UMAD1: variants seen among roughly 807,000 people sequenced by gnomAD.
The protein encoded by UMAD1 is UBAP1-MVB12-associated (UMA)-domain containing protein 1.
A neutral mutation model predicts 6.1 loss-of-function variants in UMAD1; 8 were observed. The observed-to-expected ratio is 1.30, with a 90% CI of 0.76 to 2.35. The LOEUF (loss-of-function observed/expected upper bound fraction) is 2.35. UMAD1 is among the 30% of genes most tolerant of loss of function. The pLI is 0.00. For synonymous variants in UMAD1, 56 were observed against 31.4 expected (o/e 1.78, Z -2.61); for missense variants, 130 against 78.4 (o/e 1.66, Z -2.49).
chr7:7,642,117 G>A (rs1013779275), intron 1 of UMAD1, among the ~76,000 whole-genome samples: 20 of 152,058 alleles, frequency 1.3e-4, no homozygotes, highest in Non-Finnish European at 2.4e-4. Flanking sequence ...ATAGGGGAGA[G>A]TACACACATC....
chr7:7,754,522 GGTAGCTT>G (rs1215307945), intron 2 of UMAD1, among the ~76,000 whole-genome samples: 8 of 152,096 alleles, frequency 5.3e-5, no homozygotes, highest in Admixed American at 2.6e-4. Context: ...GCATCAAATG[GGTAGCTT>G]TCCTTATGTA....
chr7:7,793,016 T>G (rs77585176), intron 2 of UMAD1, among the ~76,000 whole-genome samples: 9,277 of 152,156 alleles, frequency 0.061, 398 homozygotes, highest in Non-Finnish European at 0.088. Context: ...GGTTTCAATA[T>G]ACGAATTTTG....
intron 2 of UMAD1, among the ~76,000 whole-genome samples, chr7:7,758,775 C>G (rs997572630): frequency 2.6e-5 from 4 of 152,100 alleles, no homozygotes; most frequent in East Asian, 1.9e-4. Flanking sequence ...AATTTTGACT[C>G]CTGCGTAATG....
At chr7:7,675,019 T>A (rs976084294) in intron 2 of UMAD1, among the ~76,000 whole-genome samples, 6 of 152,030 alleles carry the variant, frequency 3.9e-5, no homozygotes, top group South Asian at 2.1e-4. Flanking sequence ...GTATTTAAAA[T>A]TTTTTTTAAA....
At chr7:7,836,853 T>C (rs888097611) in intron 3 of UMAD1, among the ~76,000 whole-genome samples, 1 of 151,308 alleles carries the variant, frequency 6.6e-6, no homozygotes, top group Non-Finnish European at 1.5e-5. Context: ...AAGGATATAA[T>C]GAAGAGGTGT....
intron 2 of UMAD1, among the ~76,000 whole-genome samples, chr7:7,699,374 A>G (rs1338313842): frequency 1.3e-5 from 2 of 152,178 alleles, no homozygotes; most frequent in Non-Finnish European, 2.9e-5. Context: ...TTAAAAATTT[A>G]ATATCCTTAG....
chr7:7,664,328 G>A (rs1345434758), intron 1 of UMAD1, among the ~76,000 whole-genome samples: 1 of 151,688 alleles, frequency 6.6e-6, no homozygotes, highest in African/African-American at 2.4e-5. Context: ...TTAACTTCTT[G>A]GCTCCAGGCT....
chr7:7,804,149 C>T (rs958985714), intron 3 of UMAD1, among the ~76,000 whole-genome samples: 3 of 152,120 alleles, frequency 2.0e-5, no homozygotes, highest in East Asian at 1.9e-4. Flanking sequence ...ATGCAAGTAC[C>T]GGCTGGGCAA....
intron 3 of UMAD1, among the ~76,000 whole-genome samples, chr7:7,835,462 CTTTTTTTT>C (rs150411259): frequency 1.2e-4 from 4 of 33,682 alleles, no homozygotes; most frequent in African/African-American, 4.1e-4. Context: ...TGAAACAGCA[CTTTTTTTT>C]TTTTTTTTTT....
intron 2 of UMAD1, among the ~76,000 whole-genome samples, chr7:7,730,327 C>G (rs548983224): frequency 5.1e-4 from 78 of 152,274 alleles, no homozygotes; most frequent in Non-Finnish European, 8.8e-4. Flanking sequence ...CTGGCAGGGA[C>G]GTTTTAGACA....
At chr7:7,790,815 C>T (rs1782554633) in intron 2 of UMAD1, among the ~76,000 whole-genome samples, 1 of 152,208 alleles carries the variant, frequency 6.6e-6, no homozygotes, top group African/African-American at 2.4e-5. Flanking sequence ...CTAGTTATCA[C>T]ATTGTGCTAT....
At chr7:7,770,339 G>T (rs1469741773) in intron 2 of UMAD1, among the ~76,000 whole-genome samples, 3 of 152,040 alleles carry the variant, frequency 2.0e-5, no homozygotes, top group East Asian at 3.9e-4. Context: ...TAATGCTCTG[G>T]GACCTTGCTC....
At chr7:7,818,592 T>C (rs1054833754) in intron 3 of UMAD1, among the ~76,000 whole-genome samples, 1 of 151,998 alleles carries the variant, frequency 6.6e-6, no homozygotes, top group Non-Finnish European at 1.5e-5. Context: ...TCAACCATTG[T>C]GAAAGACAGT....
chr7:7,692,092 G>A (rs1023750083), intron 2 of UMAD1, among the ~76,000 whole-genome samples: 2 of 151,950 alleles, frequency 1.3e-5, no homozygotes, highest in African/African-American at 4.8e-5. Flanking sequence ...TTACCCCTGG[G>A]GTTCCATTCT....
intron 2 of UMAD1, chr7:7,740,605 G>C (rs900560856): frequency 6.6e-6 from 1 of 152,042 alleles, no homozygotes. Context: ...CATACTGTTC[G>C]TAACACTATA....
chr7:7,728,328 C>G (rs1402571147), intron 2 of UMAD1, among the ~76,000 whole-genome samples: 2 of 152,082 alleles, frequency 1.3e-5, no homozygotes, highest in East Asian at 3.9e-4. Context: ...GTTCAGTTTT[C>G]TCATTTACAA....
chr7:7,774,907 C>G (rs931507713), intron 2 of UMAD1, among the ~76,000 whole-genome samples: 5 of 152,210 alleles, frequency 3.3e-5, no homozygotes. Flanking sequence ...CTTTCTGTCT[C>G]TTCCTCGCAA....
chr7:7,673,672 C>G (rs1308046250), intron 2 of UMAD1, among the ~76,000 whole-genome samples: 1 of 150,888 alleles, frequency 6.6e-6, no homozygotes, highest in Non-Finnish European at 1.5e-5. Context: ...TGGCTGTGTT[C>G]TCCAAGTTAA....
At chr7:7,862,366 G>A (rs574847273) in intron 3 of UMAD1, among the ~76,000 whole-genome samples, 8 of 152,258 alleles carry the variant, frequency 5.3e-5, no homozygotes, top group Admixed American at 1.3e-4. Flanking sequence ...GTTCAGCAAT[G>A]CTGAGGAGAT....
Sources: allele counts gnomAD v4.1 joint callset (sites outside exome capture counted in the v4.1 genomes callset), GRCh38; gene constraint gnomAD v4.1.1; transcripts MANE v1.5; gene names NCBI Gene and HGNC (gene_info 2026-07-23, HGNC 2026-07-21).